HP1BP3: variants seen among roughly 807,000 people sequenced by gnomAD.
The protein encoded by HP1BP3 is heterochromatin protein 1 binding protein 3, also known as heterochromatin protein 1-binding protein 3.
HP1BP3 carries 12 observed loss-of-function variants against 62.5 expected under a neutral mutation model. The ratio of observed to expected loss-of-function variants is 0.19; its 90% CI spans 0.12 to 0.31. The LOEUF is 0.31. Ranked by LOEUF, HP1BP3 falls within the 10% of genes least tolerant of loss-of-function variation. The probability of loss-of-function intolerance (pLI) is 1.00; values close to 1 mark genes in which losing one functional copy is unlikely to be tolerated. For synonymous variants in HP1BP3, 260 were observed against 237.8 expected (o/e 1.09, Z -0.86); for missense variants, 502 against 651.8 (o/e 0.77, Z 2.50).
chr1:20,783,246 T>G (rs2057655793), intron 1 of HP1BP3, among the ~76,000 whole-genome samples: 1 of 152,140 alleles, frequency 6.6e-6, no homozygotes, highest in Non-Finnish European at 1.5e-5. Flanking sequence ...TAGGGCTGGG[T>G]ACAGTGGCTC....
intron 6 of HP1BP3, 150 bp downstream of exon 6, chr1:20,770,780 C>T: frequency 1.7e-6 from 1 of 592,802 alleles, no homozygotes; most frequent in Admixed American, 4.0e-5. Flanking sequence ...AACCTAGCCT[C>T]AGATAATTCA....
chr1:20,749,925 T>C (rs778934903), intron 9 of HP1BP3, 43 bp from the exon 10 acceptor site: 2 of 1,589,388 alleles, frequency 1.3e-6, no homozygotes, highest in Non-Finnish European at 1.7e-6. Context: ...GACAACACTC[T>C]CCCAAAGCAG....
At chr1:20,756,382 A>G (rs1030854791) in intron 9 of HP1BP3, among the ~76,000 whole-genome samples, 4 of 152,092 alleles carry the variant, frequency 2.6e-5, no homozygotes, top group Non-Finnish European at 4.4e-5. Flanking sequence ...AAAAATGTAA[A>G]CAGTGCCTGA....
chr1:20,742,200 AC>A lies in HP1BP3; in HGVS notation c.*2596del, dbSNP rs759179077. 1.3e-5 allele frequency among the ~76,000 whole-genome samples: 2 copies of A among 152,166 alleles called. No homozygotes were observed. The highest frequency in any genetic ancestry group is 2.4e-5 in the African/African-American group (1 of 41,432). On this transcript the variant is annotated 3_prime_UTR_variant, in exon 13 of 13. Transcript: ENST00000438032. ...CAAAGAAACCAACCAAAATCTCCCA[AC>A]TTTTGATTCCAGAAGAGTACAGAAT...
intron 11 of HP1BP3, among the ~76,000 whole-genome samples, chr1:20,746,351 A>G (rs971989720): frequency 6.6e-6 from 1 of 151,990 alleles, no homozygotes; most frequent in Non-Finnish European, 1.5e-5. Context: ...ATCCCACCAC[A>G]CCTGGCAGAA....
At chr1:20,776,137 T>C in intron 4 of HP1BP3, 1 of 811,746 alleles carries the variant, frequency 1.2e-6, no homozygotes, top group Non-Finnish European at 1.8e-6. Context: ...TCATCAAACA[T>C]ATATAGACTT....
intron 8 of HP1BP3, among the ~76,000 whole-genome samples, chr1:20,763,194 T>TG (rs2154540484): frequency 6.6e-6 from 1 of 152,310 alleles, no homozygotes; most frequent in Non-Finnish European, 1.5e-5. Context: ...GCCTGCACTA[T>TG]GCTTCTTGTA....
At chr1:20,779,951 A>G in intron 2 of HP1BP3, 40 bp from the exon 3 acceptor site, 1 of 1,517,096 alleles carries the variant, frequency 6.6e-7, no homozygotes, top group Non-Finnish European at 9.0e-7. Context: ...TGCATTAAAA[A>G]ATTCTCTTTT....
At chr1:20,784,854 T>C (rs1018546503) in intron 1 of HP1BP3, among the ~76,000 whole-genome samples, 1 of 152,236 alleles carries the variant, frequency 6.6e-6, no homozygotes, top group Non-Finnish European at 1.5e-5. Flanking sequence ...CATGGTCCTC[T>C]TATGAACATC....
intron 9 of HP1BP3, chr1:20,750,322 AAC>A (rs67464129): frequency 0.071 from 9,760 of 137,940 alleles, 379 homozygotes; most frequent in Admixed American, 0.077. Context: ...CTCTACTAAA[AAC>A]ACACACACAC....
At chr1:20,760,474 G>A (rs1011096277) in intron 8 of HP1BP3, among the ~76,000 whole-genome samples, 11 of 151,916 alleles carry the variant, frequency 7.2e-5, no homozygotes, top group African/African-American at 2.7e-4. Context: ...CTAGGAGTTC[G>A]AGGTTGCCAT....
At chr1:20,771,893 C>G (rs2057077912) in intron 5 of HP1BP3, among the ~76,000 whole-genome samples, 1 of 152,118 alleles carries the variant, frequency 6.6e-6, no homozygotes. Flanking sequence ...CTTATTCATT[C>G]TCATTGGATA....
Position 20,776,789 on chromosome 1 carries a change from A to T in HP1BP3, c.197-39T>A, listed in dbSNP as rs764247422. 3 of 1,551,938 alleles carry T rather than the reference A, an allele frequency of 1.9e-6. 1 individual carries two copies. The South Asian group carries it at 3.6e-5, about 19-fold the overall frequency. On this transcript the variant is annotated intron_variant, in intron 3 of 12. Coordinates refer to ENST00000438032, the MANE Select transcript of HP1BP3 (RefSeq NM_001372052.1). ...TGAGCAGAATTGCATAAGCAGATGT[A>T]TTCCAATCTGAGTCAATAAAAGGTA...
At chr1:20,759,291 T>A (rs1240069410) in intron 8 of HP1BP3, among the ~76,000 whole-genome samples, 1 of 152,102 alleles carries the variant, frequency 6.6e-6, no homozygotes, top group African/African-American at 2.4e-5. Context: ...TCCCAGCTAC[T>A]TGGGAGGCTG....
intron 5 of HP1BP3, among the ~76,000 whole-genome samples, chr1:20,772,112 G>A (rs896387344): frequency 6.6e-6 from 1 of 152,118 alleles, no homozygotes; most frequent in Non-Finnish European, 1.5e-5. Context: ...AAGCAGAAAA[G>A]AACACTAATG....
chr1:20,757,022 T>C (rs955016644), intron 9 of HP1BP3, 144 bp downstream of exon 9: 2 of 503,474 alleles, frequency 4.0e-6, no homozygotes, highest in African/African-American at 2.0e-5. Flanking sequence ...CAATGTTAAT[T>C]TCTAACATAG....
At chr1:20,753,121 T>C (rs1283102794) in intron 9 of HP1BP3, among the ~76,000 whole-genome samples, 3 of 152,170 alleles carry the variant, frequency 2.0e-5, no homozygotes, top group African/African-American at 7.2e-5. Context: ...TCTTGTATTT[T>C]TACTAGAGAT....
At chr1:20,775,658 C>A (rs2057272059) in intron 4 of HP1BP3, 1 of 217,834 alleles carries the variant, frequency 4.6e-6, no homozygotes, top group Non-Finnish European at 8.9e-6. Context: ...ACAGGTATAC[C>A]ATTTTTTATC....
chr1:20,770,529 G>A (rs756642763), intron 6 of HP1BP3, among the ~76,000 whole-genome samples: 1 of 152,044 alleles, frequency 6.6e-6, no homozygotes, highest in Non-Finnish European at 1.5e-5. Context: ...TGCCCAGGCT[G>A]GTCTCGAACT....
Sources: gnomAD v4.1 joint callset for allele counts (sites outside exome capture counted in the v4.1 genomes callset) on GRCh38, gnomAD v4.1.1 for gene constraint, MANE v1.5 for transcripts, NCBI Gene and HGNC (gene_info 2026-07-23, HGNC 2026-07-21) for gene names.